PCDH17: variants seen among roughly 807,000 people sequenced by gnomAD.
The protein encoded by PCDH17 is protocadherin 17.
In PCDH17, 21 loss-of-function variants were observed where a neutral mutation model predicts 67.7. That is an observed-to-expected ratio of 0.31 (90% confidence interval 0.22 to 0.45). The LOEUF is 0.45. PCDH17 is among the 20% of genes least tolerant of loss of function. The pLI is 1.00. For synonymous variants in PCDH17, 701 were observed against 656.7 expected, an observed-to-expected ratio of 1.07 and a Z score of -1.03; for missense variants, 1,471 against 1,564.8, an observed-to-expected ratio of 0.94 and a Z score of 1.01.
chr13:57,725,096 T>C lies in PCDH17; in HGVS notation c.3282T>C (p.Asp1094=), dbSNP rs756329517. ...GAGACCCTCCCTTCATGGCTTCCGA[T>C]CAGATGGCAAGGGTCTTTGCAGATG... The part of the protein sequence containing the change: ...QPRDPPFMAS[D]QMARVFADVH... The change falls in exon 4 of 4, where the codon GAT becomes GAC. Residue 1094 remains aspartate, a synonymous_variant. Transcript: ENST00000377918. 2.5e-6 allele frequency: 4 copies of C among 1,614,094 alleles called. No homozygotes were observed. The highest frequency in any genetic ancestry group is 2.5e-6 in the Non-Finnish European group (3 of 1,180,000).
chr13:57,652,205 G>C (rs1327175120), intron 1 of PCDH17, among the ~76,000 whole-genome samples: 1 of 147,844 alleles, frequency 6.8e-6, no homozygotes, highest in Non-Finnish European at 1.5e-5. Flanking sequence ...GTGAACCCGG[G>C]AAGCGGAGCT....
chr13:57,663,261 T>C (rs1160962411), intron 1 of PCDH17, among the ~76,000 whole-genome samples: 1 of 152,154 alleles, frequency 6.6e-6, no homozygotes, highest in Non-Finnish European at 1.5e-5. Context: ...AGTGATTAGT[T>C]TGCATGAAAG....
At chr13:57,669,183 T>C (rs901824189) in intron 3 of PCDH17, among the ~76,000 whole-genome samples, 2 of 152,132 alleles carry the variant, frequency 1.3e-5, no homozygotes, top group African/African-American at 4.8e-5. Flanking sequence ...TAAAATAATA[T>C]TTCACTGATT....
In PCDH17 at chr13:57,705,792, G is replaced by T. The variant is rs534611183; in HGVS notation, c.2798-18820G>T. Among the ~76,000 whole-genome samples, 9 of 152,144 alleles carry T rather than the reference G, an allele frequency of 5.9e-5. No homozygotes were observed. In the South Asian group the frequency reaches 6.2e-4, roughly 11 times the overall value. Reference sequence around the variant, plus strand: ...GGACTTTGGGAGGCCGAGGCGGGTGGATCACCTGAGGTCTGGAGTTCAAGA... The same window carrying T: ...GGACTTTGGGAGGCCGAGGCGGGTGTATCACCTGAGGTCTGGAGTTCAAGA... On this transcript the variant is annotated intron_variant, in intron 3 of 3. Transcript: ENST00000377918.
intron 3 of PCDH17, among the ~76,000 whole-genome samples, chr13:57,677,494 G>GAT (rs990678942): frequency 2.8e-4 from 43 of 151,840 alleles, no homozygotes; most frequent in Non-Finnish European, 4.7e-4. Context: ...AAATATAGAA[G>GAT]ATATATATAC....
chr13:57,658,403 C>T (rs908144279), intron 1 of PCDH17, among the ~76,000 whole-genome samples: 2 of 152,288 alleles, frequency 1.3e-5, no homozygotes, highest in South Asian at 2.1e-4. Context: ...ACACTCTCCA[C>T]GTCCTGCTTT....
chr13:57,688,938 T>C (rs573685242), intron 3 of PCDH17, among the ~76,000 whole-genome samples: 1 of 152,056 alleles, frequency 6.6e-6, no homozygotes, highest in Non-Finnish European at 1.5e-5. Context: ...TCCACCATTG[T>C]AGCATTGGCA....
chr13:57,689,670 C>A (rs933654953), intron 3 of PCDH17, among the ~76,000 whole-genome samples: 1 of 151,834 alleles, frequency 6.6e-6, no homozygotes, highest in African/African-American at 2.4e-5. Context: ...ATAATGCAAT[C>A]GGATTTATTC....
intron 3 of PCDH17, among the ~76,000 whole-genome samples, chr13:57,723,539 C>T (rs576931493): frequency 2.6e-4 from 39 of 152,170 alleles, no homozygotes; most frequent in African/African-American, 8.4e-4. Context: ...ATCCCAAGGG[C>T]GCCTAAAAGT....
At chr13:57,659,329 G>T (rs528064389) in intron 1 of PCDH17, among the ~76,000 whole-genome samples, 3 of 151,998 alleles carry the variant, frequency 2.0e-5, no homozygotes, top group Admixed American at 6.6e-5. Context: ...TTTTTTCTTA[G>T]AAATTCATTA....
intron 3 of PCDH17, among the ~76,000 whole-genome samples, chr13:57,709,094 A>T (rs1439434830): frequency 1.4e-5 from 2 of 143,474 alleles, no homozygotes; most frequent in Non-Finnish European, 3.0e-5. Flanking sequence ...TGTTACAGAA[A>T]TATATATATG....
intron 1 of PCDH17, among the ~76,000 whole-genome samples, chr13:57,636,927 C>T (rs995262269): frequency 2.0e-5 from 3 of 152,192 alleles, no homozygotes; most frequent in African/African-American, 7.2e-5. Flanking sequence ...GAATTTTCAA[C>T]AAGCCTGATT....
chr13:57,699,398 A>G (rs1362184045), intron 3 of PCDH17, among the ~76,000 whole-genome samples: 1 of 151,966 alleles, frequency 6.6e-6, no homozygotes, highest in East Asian at 1.9e-4. Context: ...TCATTCTTTG[A>G]TTACTCAAGT....
chr13:57,659,938 A>C (rs1187864788), intron 1 of PCDH17, among the ~76,000 whole-genome samples: 1 of 152,166 alleles, frequency 6.6e-6, no homozygotes, highest in African/African-American at 2.4e-5. Context: ...CTTTGGAAGA[A>C]ATAAAATTTG....
chr13:57,656,357 AG>A (rs1227933726), intron 1 of PCDH17, among the ~76,000 whole-genome samples: 2 of 152,182 alleles, frequency 1.3e-5, no homozygotes, highest in Non-Finnish European at 2.9e-5. Flanking sequence ...GCTTATTAGC[AG>A]GTTTCTTAAA....
rs1315320886 is a variant in PCDH17, at chr13:57,726,913, A to G, written c.*1619A>G. 4 of 152,582 alleles carry G rather than the reference A, an allele frequency of 2.6e-5. No homozygotes were observed. The highest frequency in any genetic ancestry group is 4.4e-5 in the Non-Finnish European group (3 of 68,022). 9.5% of individuals were successfully genotyped at this position (152,582 alleles called of 1,614,324 possible). On this transcript the variant is annotated 3_prime_UTR_variant, in exon 4 of 4. Transcript: ENST00000377918. Reference sequence around the variant, plus strand: ...TACTTGCATTGTGTAGTGTTTTTCAAGAGGTCTGGGTCTTAACAAAATGTT... The same window carrying G: ...TACTTGCATTGTGTAGTGTTTTTCAGGAGGTCTGGGTCTTAACAAAATGTT...
rs1488890890 is a variant in PCDH17, at chr13:57,727,376, T to TAAAACA, written c.*2092_*2097dup. Reference sequence around the variant, plus strand: ...AAAATGTCATAAAAATTCTTATATTTAAAACAAAAACAAAAGCAAAAACAA... The same window carrying TAAAACA: ...AAAATGTCATAAAAATTCTTATATTTAAAACAAAAACAAAAACAAAAGCAAAAACAA... On this transcript the variant is annotated 3_prime_UTR_variant, in exon 4 of 4. Transcript: ENST00000377918. 7.2e-5 allele frequency: 11 copies of TAAAACA among 152,694 alleles called. No individual in the cohort carries two copies. The highest frequency in any genetic ancestry group is 1.3e-4 in the Admixed American group (2 of 15,288). 9.5% of individuals were successfully genotyped at this position (152,694 alleles called of 1,614,324 possible). A position where few individuals can be genotyped will look rare whatever the true frequency, so the allele number is the denominator to read the frequency against.
At chr13:57,683,918 G>T (rs76200026) in intron 3 of PCDH17, among the ~76,000 whole-genome samples, 2 of 151,992 alleles carry the variant, frequency 1.3e-5, no homozygotes, top group Middle Eastern at 6.8e-3. Flanking sequence ...TGAAAGATTT[G>T]CTGAAAGCAA....
chr13:57,726,764 T>C lies in PCDH17; in HGVS notation c.*1470T>C, dbSNP rs150137124. On this transcript the variant is annotated 3_prime_UTR_variant, in exon 4 of 4. Coordinates refer to ENST00000377918, the MANE Select transcript of PCDH17 (RefSeq NM_001040429.3). ...TGTTTTTTCAATAACATACAGCTTC[T>C]GCCTGTGTAGATATTATGCCATCAG... 1 of 152,394 alleles carries C rather than the reference T, an allele frequency of 6.6e-6. No individual in the cohort carries two copies. Among genetic ancestry groups the C allele is most frequent in the African/African-American group, 2.4e-5 (1 of 41,582 alleles). The allele number at this position is 152,394 out of a possible 1,614,324, so 9.4% of individuals were successfully genotyped here.
Sources: allele counts gnomAD v4.1 joint callset (sites outside exome capture counted in the v4.1 genomes callset), GRCh38; gene constraint gnomAD v4.1.1; transcripts MANE v1.5; gene names NCBI Gene and HGNC (gene_info 2026-07-23, HGNC 2026-07-21).